The following SNAP25 variants were observed in gnomAD, a reference collection of about 807,000 sequenced individuals.
SNAP25 encodes the protein synaptosomal-associated protein 25.
Under a neutral mutation model 28.7 loss-of-function variants are expected in SNAP25, and 3 were observed. That is an observed-to-expected ratio of 0.10 (90% CI 0.05 to 0.27). SNAP25 has a LOEUF of 0.27. Ranked by LOEUF, SNAP25 falls within the 10% of genes least tolerant of loss-of-function variation. The pLI is 1.00. For missense variants in SNAP25, 117 were observed against 278.7 expected, an observed-to-expected ratio of 0.42 and a Z score of 4.13; for synonymous variants, 61 against 88.1, an observed-to-expected ratio of 0.69 and a Z score of 1.72.
At chr20:10,248,166 A>G (rs1216457489) in intron 1 of SNAP25, among the ~76,000 whole-genome samples, 1 of 152,220 alleles carries the variant, frequency 6.6e-6, no homozygotes, top group Non-Finnish European at 1.5e-5. Flanking sequence ...TTGCATGGGA[A>G]TTATCAAACA....
At chr20:10,286,067 C>T (rs2063871298) in intron 4 of SNAP25, among the ~76,000 whole-genome samples, 1 of 152,148 alleles carries the variant, frequency 6.6e-6, no homozygotes, top group Admixed American at 6.5e-5. Context: ...TGCAGATATA[C>T]ATTTACAGTT....
intron 4 of SNAP25, among the ~76,000 whole-genome samples, chr20:10,289,141 T>G (rs777095282): frequency 4.6e-5 from 7 of 152,160 alleles, no homozygotes; most frequent in Non-Finnish European, 7.3e-5. Context: ...ATGATTGCAC[T>G]AGGAAATTTC....
intron 1 of SNAP25, among the ~76,000 whole-genome samples, chr20:10,229,049 T>C (rs1411177181): frequency 6.6e-6 from 1 of 152,152 alleles, no homozygotes; most frequent in Non-Finnish European, 1.5e-5. Context: ...TTTAGATACC[T>C]GAAGAGGCCC....
At position 10,293,671 on chromosome 20, in the gene SNAP25, G is replaced by A. The variant is rs763881737; in HGVS notation, c.281+393G>A. On this transcript the variant is annotated intron_variant, in intron 5 of 7. Transcript: ENST00000254976. The surrounding 1 kb of genome is among the most constrained non-coding windows in gnomAD (Gnocchi z 5.6). ...TTTGGAAGATGAGAAACACATATGC[G>A]AAGGTTTGATTTTTTCCAAAATAAA... Among the ~76,000 whole-genome samples the A allele has an allele frequency of 5.3e-5, 8 of 152,168 alleles. No homozygotes were observed. The highest frequency in any genetic ancestry group is 1.2e-4 in the African/African-American group (5 of 41,428).
At chr20:10,269,989 T>C (rs925282097) in intron 1 of SNAP25, among the ~76,000 whole-genome samples, 5 of 152,114 alleles carry the variant, frequency 3.3e-5, no homozygotes, top group African/African-American at 1.2e-4. Flanking sequence ...CACGGTGGCT[T>C]ACGCCTGTCA....
intron 1 of SNAP25, among the ~76,000 whole-genome samples, chr20:10,257,167 C>T (rs182979145): frequency 3.9e-4 from 60 of 152,148 alleles, no homozygotes; most frequent in African/African-American, 7.0e-4. Flanking sequence ...GATTTAAATG[C>T]ACCCCTCCAG....
chr20:10,281,605 T>C (rs2063779033), intron 3 of SNAP25, among the ~76,000 whole-genome samples: 1 of 152,220 alleles, frequency 6.6e-6, no homozygotes, highest in African/African-American at 2.4e-5. Context: ...GACACACAGG[T>C]ATAAACGGCA....
intron 1 of SNAP25, chr20:10,219,698 C>A (rs1234493069): frequency 1.3e-5 from 2 of 152,262 alleles, no homozygotes; most frequent in Admixed American, 6.5e-5. Context: ...GCGGTCCGGC[C>A]GCAGCGCCTC....
At chr20:10,263,137 G>C (rs1306506639) in intron 1 of SNAP25, among the ~76,000 whole-genome samples, 2 of 145,316 alleles carry the variant, frequency 1.4e-5, no homozygotes, top group Non-Finnish European at 3.0e-5. Flanking sequence ...TCCTGCCTCA[G>C]CCACCCGAGT....
chr20:10,282,138 AGGAAGGAGGGAAGGAAGGAAGGAT>A (rs2063787509), intron 3 of SNAP25, among the ~76,000 whole-genome samples: 2 of 145,234 alleles, frequency 1.4e-5, no homozygotes, highest in Non-Finnish European at 3.0e-5. Context: ...AACACTAGGA[AGGAAGGAGGGAAGGAAGGAAGGAT>A]GGAAGGAAGG....
chr20:10,233,728 T>C (rs2062867822), intron 1 of SNAP25, among the ~76,000 whole-genome samples: 4 of 152,232 alleles, frequency 2.6e-5, no homozygotes, highest in Non-Finnish European at 2.9e-5. Context: ...AAATTTAGTT[T>C]CAAGATCACG....
intron 2 of SNAP25, 112 bp downstream of exon 2, chr20:10,275,675 A>G: frequency 1.2e-6 from 1 of 815,108 alleles, no homozygotes; most frequent in South Asian, 2.5e-5. Context: ...TTCTTTTAGA[A>G]AAAGTAATAT....
intron 1 of SNAP25, among the ~76,000 whole-genome samples, chr20:10,263,442 A>C (rs1464381993): frequency 1.3e-5 from 2 of 152,160 alleles, no homozygotes; most frequent in African/African-American, 2.4e-5. Flanking sequence ...AACTGTTACT[A>C]AGCCTGAATA....
At chr20:10,239,573 G>A (rs1223737164) in intron 1 of SNAP25, among the ~76,000 whole-genome samples, 1 of 152,210 alleles carries the variant, frequency 6.6e-6, no homozygotes, top group Admixed American at 6.5e-5. Context: ...AATTTCACAT[G>A]CTCCCATGCA....
chr20:10,297,117 G>T, intron 6 of SNAP25, 67 bp downstream of exon 6: 2 of 1,453,790 alleles, frequency 1.4e-6, no homozygotes, highest in South Asian at 3.0e-5. Flanking sequence ...CCAAAACTGA[G>T]TGGTTTTCTA....
chr20:10,251,222 C>A (rs1195118558), intron 1 of SNAP25, among the ~76,000 whole-genome samples: 1 of 152,174 alleles, frequency 6.6e-6, no homozygotes, highest in Non-Finnish European at 1.5e-5. Flanking sequence ...CACGAATGTA[C>A]ACAGTATTTT....
chr20:10,242,049 G>A (rs931296720), intron 1 of SNAP25, among the ~76,000 whole-genome samples: 1 of 152,154 alleles, frequency 6.6e-6, no homozygotes, highest in Non-Finnish European at 1.5e-5. Context: ...ATGGCCAGCG[G>A]GTGCGCACCA....
intron 1 of SNAP25, among the ~76,000 whole-genome samples, chr20:10,227,802 A>C (rs1433209186): frequency 6.6e-6 from 1 of 152,186 alleles, no homozygotes; most frequent in African/African-American, 2.4e-5. Flanking sequence ...ACTAGGATGA[A>C]AAGGATATTT....
At chr20:10,297,628 CA>C (rs987317081) in intron 6 of SNAP25, among the ~76,000 whole-genome samples, 1 of 152,186 alleles carries the variant, frequency 6.6e-6, no homozygotes, top group African/African-American at 2.4e-5. Flanking sequence ...TATCAGAACC[CA>C]GCAATAGTTA....
Sources: gnomAD v4.1 joint callset for allele counts (sites outside exome capture counted in the v4.1 genomes callset) on GRCh38, gnomAD v4.1.1 for gene constraint, Gnocchi (gnomAD v3.1) non-coding constraint, MANE v1.5 for transcripts, NCBI Gene and HGNC (gene_info 2026-07-23, HGNC 2026-07-21) for gene names.